The following AFF2 variants were observed in gnomAD, a reference collection of about 807,000 sequenced individuals.
AFF2 encodes the protein AF4/FMR2 family member 2.
A neutral mutation model predicts 76.9 loss-of-function variants in AFF2; 14 were observed. The ratio of observed to expected loss-of-function variants is 0.18; its 90% confidence interval spans 0.12 to 0.28. The LOEUF (loss-of-function observed/expected upper bound fraction) is 0.28. Ranked by LOEUF, AFF2 falls within the 10% of genes least tolerant of loss-of-function variation. The pLI is 1.00. For missense variants in AFF2, 868 were observed against 1,001.1 expected, an observed-to-expected ratio of 0.87 and a Z score of 1.79; for synonymous variants, 398 against 366.7, an observed-to-expected ratio of 1.09 and a Z score of -0.98.
At chrX:148,599,484 T>C (rs782258719) in intron 1 of AFF2, among the ~76,000 whole-genome samples, 3 of 110,662 alleles carry the variant, frequency 2.7e-5, no homozygotes, top group Non-Finnish European at 5.7e-5. Flanking sequence ...TTCTCTACCA[T>C]AGAGAAGCAG....
chrX:148,705,969 C>T (rs1466192872), intron 3 of AFF2, among the ~76,000 whole-genome samples: 1 of 111,857 alleles, frequency 8.9e-6, no homozygotes, highest in Non-Finnish European at 1.9e-5. Context: ...ACTATGCAAT[C>T]CTGGGGCTCT....
chrX:148,894,688 ATG>A (rs2071261529), intron 8 of AFF2, among the ~76,000 whole-genome samples: 1 of 111,231 alleles, frequency 9.0e-6, no homozygotes, highest in Non-Finnish European at 1.9e-5. Context: ...AATCATATAT[ATG>A]TGTGTGTTTC....
chrX:148,787,462 T>G (rs114483305), intron 3 of AFF2, among the ~76,000 whole-genome samples: 1 of 112,237 alleles, frequency 8.9e-6, no homozygotes. Context: ...CAGAAATGTA[T>G]GTAATTTGTA....
At chrX:148,952,109 C>A (rs1441421033) in intron 9 of AFF2, among the ~76,000 whole-genome samples, 5 of 111,660 alleles carry the variant, frequency 4.5e-5, no homozygotes, top group Non-Finnish European at 7.5e-5. Flanking sequence ...CCTATTCCTT[C>A]CCAAGCAGCA....
chrX:148,704,027 C>G (rs1260297074), intron 3 of AFF2, among the ~76,000 whole-genome samples: 4 of 105,719 alleles, frequency 3.8e-5, no homozygotes, highest in African/African-American at 1.4e-4. Context: ...TCCCAAGTAG[C>G]TGGGACTACA....
chrX:148,959,971 C>T (rs1974613596), intron 12 of AFF2, among the ~76,000 whole-genome samples: 1 of 112,613 alleles, frequency 8.9e-6, no homozygotes, highest in Non-Finnish European at 1.9e-5. Flanking sequence ...ACCCAGTGGC[C>T]TGTCGCCTTC....
At chrX:148,607,589 G>A (rs1271613897) in intron 1 of AFF2, among the ~76,000 whole-genome samples, 5 of 111,014 alleles carry the variant, frequency 4.5e-5, no homozygotes, top group Non-Finnish European at 5.7e-5. Flanking sequence ...ACCCAGTATC[G>A]AGTATTTCTT....
intron 1 of AFF2, among the ~76,000 whole-genome samples, chrX:148,518,018 G>A (rs1388877089): frequency 4.2e-5 from 4 of 95,232 alleles, no homozygotes; most frequent in African/African-American, 7.9e-5. Flanking sequence ...GCATGACTCC[G>A]TCTCAAAAAA....
At chrX:148,604,474 C>A (rs1557248547) in intron 1 of AFF2, among the ~76,000 whole-genome samples, 1 of 112,247 alleles carries the variant, frequency 8.9e-6, no homozygotes, top group Non-Finnish European at 1.9e-5. Flanking sequence ...CTCACTGCAG[C>A]CTTGAATTCC....
intron 7 of AFF2, among the ~76,000 whole-genome samples, chrX:148,865,593 T>G (rs782609017): frequency 4.9e-4 from 55 of 112,269 alleles, no homozygotes; most frequent in African/African-American, 1.5e-3. Context: ...GAAGCCATTT[T>G]ACACTGGCCT....
At chrX:148,785,052 C>G (rs782047498) in intron 3 of AFF2, among the ~76,000 whole-genome samples, 3 of 111,539 alleles carry the variant, frequency 2.7e-5, no homozygotes, top group Non-Finnish European at 5.7e-5. Flanking sequence ...TTCTCTTGCT[C>G]CCCCCCTTCC....
intron 9 of AFF2, among the ~76,000 whole-genome samples, chrX:148,922,159 G>T (rs1335035795): frequency 9.0e-6 from 1 of 111,478 alleles, no homozygotes; most frequent in Non-Finnish European, 1.9e-5. Context: ...CTGTTTTTCA[G>T]CATATTTTAA....
chrX:148,681,363 T>C (rs182589601), intron 3 of AFF2, among the ~76,000 whole-genome samples: 1,446 of 111,405 alleles, frequency 0.013, 13 homozygotes, highest in Middle Eastern at 0.028. Flanking sequence ...TATCCTTTCT[T>C]ACCAATTAAC....
intron 3 of AFF2, among the ~76,000 whole-genome samples, chrX:148,697,093 A>G: frequency 8.9e-6 from 1 of 112,350 alleles, no homozygotes; most frequent in East Asian, 2.8e-4. Flanking sequence ...GTTTAGTGGT[A>G]TCAGTTTCCT....
At position 148,991,961 on chromosome X, in the gene AFF2, G is replaced by A. The variant is rs1408261882; in HGVS notation, c.*629G>A. 1 of 112,192 alleles carries A rather than the reference G, an allele frequency of 8.9e-6. No homozygotes were observed. The highest frequency in any genetic ancestry group is 9.4e-5 in the Admixed American group (1 of 10,601). 9.2% of individuals were successfully genotyped at this position (112,192 alleles called of 1,213,427 possible). A position where few individuals can be genotyped will look rare whatever the true frequency, so the allele number is the denominator to read the frequency against. On this transcript the variant is annotated 3_prime_UTR_variant, in exon 21 of 21. Coordinates refer to ENST00000370460, the MANE Select transcript of AFF2 (RefSeq NM_002025.4). The stretch of plus-strand genomic sequence containing the variant: ...TGCCACACAACCAGAGGACTTTCTT[G>A]TTAGCATCCCTTTCCTGATTCCCTA...
chrX:148,640,737 GT>G (rs1569552470), intron 1 of AFF2, among the ~76,000 whole-genome samples: 2 of 112,147 alleles, frequency 1.8e-5, no homozygotes, highest in Non-Finnish European at 3.8e-5. Context: ...CTGTCACTGC[GT>G]ATCTCAAATG....
intron 8 of AFF2, among the ~76,000 whole-genome samples, 196 bp downstream of exon 8, chrX:148,886,181 G>A (rs1557279073): frequency 9.0e-6 from 1 of 111,453 alleles, no homozygotes; most frequent in African/African-American, 3.3e-5. Context: ...GCTATAGTAA[G>A]GAGATGCAGA....
intron 3 of AFF2, among the ~76,000 whole-genome samples, chrX:148,771,655 A>G (rs1240195215): frequency 4.5e-5 from 5 of 112,166 alleles, no homozygotes; most frequent in Non-Finnish European, 9.4e-5. Context: ...ACACCAGGTG[A>G]TCCTCAGTGA....
At chrX:148,937,441 G>A (rs1456858005) in intron 9 of AFF2, among the ~76,000 whole-genome samples, 2 of 112,409 alleles carry the variant, frequency 1.8e-5, no homozygotes, top group South Asian at 3.7e-4. Context: ...AGACAAAGAT[G>A]TGTTGGAATT....
Sources: gnomAD v4.1 joint callset for allele counts (sites outside exome capture counted in the v4.1 genomes callset) on GRCh38, gnomAD v4.1.1 for gene constraint, MANE v1.5 for transcripts, NCBI Gene and HGNC (gene_info 2026-07-23, HGNC 2026-07-21) for gene names.